SLC3A1: variants seen among roughly 807,000 people sequenced by gnomAD.
SLC3A1 encodes amino acid transporter heavy chain SLC3A1.
SLC3A1 carries 78 observed loss-of-function variants against 60.3 expected under a neutral mutation model. The observed-to-expected ratio is 1.29, with a 90% CI of 1.08 to 1.56. The LOEUF (loss-of-function observed/expected upper bound fraction) is 1.56. SLC3A1 is among the 40% of genes most tolerant of loss of function. The pLI, the probability that SLC3A1 is intolerant of heterozygous loss-of-function variation, is 0.00. For missense variants in SLC3A1, 1,172 were observed against 858.9 expected (o/e 1.36, Z -4.56); for synonymous variants, 392 against 307.9 (o/e 1.27, Z -2.86).
chr2:44,313,004 T>G (rs1382203971), intron 8 of SLC3A1, among the ~76,000 whole-genome samples: 5 of 152,142 alleles, frequency 3.3e-5, no homozygotes, highest in Admixed American at 2.6e-4. Context: ...GTTTTCTACC[T>G]GATAGGCACA....
At chr2:44,318,806 A>T (rs1164333477) in intron 9 of SLC3A1, 1 of 152,234 alleles carries the variant, frequency 6.6e-6, no homozygotes, top group African/African-American at 2.4e-5. Flanking sequence ...ATAGTTCAAT[A>T]TGAAAAGCAT....
chr2:44,300,081 C>T lies in SLC3A1; in HGVS notation c.1002C>T (p.Thr334=), dbSNP rs773970126. The T allele has an allele frequency of 3.1e-6, 5 of 1,613,830 alleles. No individual in the cohort carries two copies. The highest frequency in any genetic ancestry group is 1.7e-5 in the Admixed American group (1 of 60,012). The stretch of plus-strand genomic sequence containing the variant: ...GAGATGAGATCCAAGTAAATAAGAC[C>T]CAAATCCCGGTAAAGTTTTATTTTA... ...HLRDEIQVNK[T]QIPDTVTQYS... Residue 334 remains threonine (T), a synonymous_variant, in exon 5 of 10, where the codon ACC becomes ACT. Coordinates refer to ENST00000260649, the MANE Select transcript of SLC3A1 (RefSeq NM_000341.4).
intron 6 of SLC3A1, 149 bp downstream of exon 6, chr2:44,301,276 C>T: frequency 2.0e-6 from 2 of 982,942 alleles, no homozygotes; most frequent in South Asian, 2.8e-5. Flanking sequence ...GTACCAGGGC[C>T]TGCCATATTC....
intron 1 of SLC3A1, among the ~76,000 whole-genome samples, chr2:44,277,303 C>G (rs570021254): frequency 7.9e-5 from 12 of 152,064 alleles, no homozygotes; most frequent in African/African-American, 2.9e-4. Flanking sequence ...GACGAGGGTT[C>G]TCCATGTTGG....
chr2:44,321,941 G>C, downstream of SLC3A1: 1 of 1,572,198 alleles, frequency 6.4e-7, no homozygotes, highest in Non-Finnish European at 8.7e-7. Context: ...AGATTGTATG[G>C]GATCTTCTTT....
At position 44,275,595 on chromosome 2, in the gene SLC3A1, A is replaced by C. The variant is rs762728033; in HGVS notation, c.60A>C (p.Thr20=). 6.2e-7 allele frequency: 1 copy of C among 1,614,076 alleles called. No individual in the cohort carries two copies. The highest frequency in any genetic ancestry group is 1.3e-5 in the African/African-American group (1 of 74,948). ...SIEMSMKGCQ[T]NNGFVHNEDI... is the part of the protein sequence containing the mutation. ...AGATGAGTATGAAGGGATGCCAGAC[A>C]AACAACGGGTTTGTCCATAATGAAG... The change falls in exon 1 of 10, where the codon ACA becomes ACC. Residue 20 remains threonine (T), a synonymous_variant. Coordinates refer to ENST00000260649, the MANE Select transcript of SLC3A1 (RefSeq NM_000341.4).
chr2:44,289,447 G>C (rs965963205), intron 4 of SLC3A1, among the ~76,000 whole-genome samples: 1 of 151,918 alleles, frequency 6.6e-6, no homozygotes, highest in Non-Finnish European at 1.5e-5. Context: ...GTGGTCTCAA[G>C]CAATCCTCCT....
chr2:44,292,892 A>AT (rs1230461683), intron 4 of SLC3A1, among the ~76,000 whole-genome samples: 2 of 151,660 alleles, frequency 1.3e-5, no homozygotes, highest in African/African-American at 2.4e-5. Context: ...TTTTATTTTT[A>AT]TTTTTTTTCA....
At chr2:44,310,922 G>A (rs1215314253) in intron 7 of SLC3A1, among the ~76,000 whole-genome samples, 1 of 151,882 alleles carries the variant, frequency 6.6e-6, no homozygotes, top group African/African-American at 2.4e-5. Flanking sequence ...AGCTTCTTGA[G>A]TAGCTGAGAC....
rs200016706 is a variant in SLC3A1, at chr2:44,304,273, A to G, written c.1267A>G (p.Ser423Gly). 198 of 1,614,106 alleles carry G rather than the reference A, an allele frequency of 1.2e-4. No homozygotes were observed. Among genetic ancestry groups the G allele is most frequent in the Non-Finnish European group, 1.5e-4 (181 of 1,180,030 alleles). The stretch of plus-strand genomic sequence containing the variant: ...CATGCTAGACACTGTTTCTGGGAAC[A>G]GCGTGTATGAGGTTATCACATCCTG... The part of the protein sequence containing the change: ...LSMLDTVSGN[S>G]VYEVITSWME... The change falls in exon 7 of 10, where the codon AGC (serine) becomes GGC (glycine). Residue 423 changes from serine to glycine, a missense_variant. By Grantham distance (56) the Ser-to-Gly change is moderately conservative. Transcript: ENST00000260649.
chr2:44,313,876 T>C lies in SLC3A1; in HGVS notation c.1542T>C (p.Ser514=), dbSNP rs1393273242. ...AGTCACCAATGCAGTGGGACAATAG[T>C]TCAAATGCTGGTTTTTCTGAAGCTA... is the stretch of plus-strand genomic sequence containing the variant. The part of the protein sequence containing the change: ...RSKSPMQWDN[S]SNAGFSEASN... The change falls in exon 9 of 10, where the codon AGT becomes AGC. Residue 514 remains serine (S), a synonymous_variant. Transcript: ENST00000260649. The C allele has an allele frequency of 1.2e-6, 2 of 1,614,002 alleles. No individual in the cohort carries two copies. Among genetic ancestry groups the C allele is most frequent in the Non-Finnish European group, 1.7e-6 (2 of 1,180,002 alleles).
At chr2:44,312,777 T>C in intron 8 of SLC3A1, 24 bp downstream of exon 8, 1 of 1,589,660 alleles carries the variant, frequency 6.3e-7, no homozygotes, top group South Asian at 1.1e-5. Context: ...AACTTGACTA[T>C]TCATCACAGC....
intron 4 of SLC3A1, among the ~76,000 whole-genome samples, chr2:44,289,090 C>A (rs1286926878): frequency 2.6e-5 from 4 of 151,938 alleles, no homozygotes; most frequent in Non-Finnish European, 5.9e-5. Context: ...CCTCCTTGGC[C>A]TCCCACAGTG....
chr2:44,317,459 CAAAAAA>C (rs3074505), intron 9 of SLC3A1, among the ~76,000 whole-genome samples: 1 of 141,606 alleles, frequency 7.1e-6, no homozygotes, highest in Non-Finnish European at 1.5e-5. Flanking sequence ...GAGATTGTGT[CAAAAAA>C]AAAAAAAAAA....
chr2:44,277,941 T>C (rs1050130215), intron 1 of SLC3A1, among the ~76,000 whole-genome samples: 2 of 152,194 alleles, frequency 1.3e-5, no homozygotes, highest in African/African-American at 4.8e-5. Context: ...GTTTTGGTGA[T>C]TGCCCTCTCT....
chr2:44,298,097 C>T (rs944884053), intron 4 of SLC3A1, among the ~76,000 whole-genome samples: 1 of 152,114 alleles, frequency 6.6e-6, no homozygotes, highest in Non-Finnish European at 1.5e-5. Flanking sequence ...TATACCTATG[C>T]GTGAAATTGC....
At chr2:44,311,232 T>C (rs770039640) in intron 7 of SLC3A1, among the ~76,000 whole-genome samples, 4 of 152,216 alleles carry the variant, frequency 2.6e-5, no homozygotes, top group Non-Finnish European at 4.4e-5. Flanking sequence ...TTTTTAACTC[T>C]AACAGTTTTA....
downstream of SLC3A1, chr2:44,321,818 A>T: frequency 6.2e-7 from 1 of 1,613,866 alleles, no homozygotes; most frequent in South Asian, 1.1e-5. Context: ...GAGGGCCTTG[A>T]TAACATACCT....
intron 4 of SLC3A1, among the ~76,000 whole-genome samples, chr2:44,287,720 C>T (rs1671649928): frequency 1.3e-5 from 2 of 152,086 alleles, no homozygotes; most frequent in African/African-American, 4.8e-5. Flanking sequence ...TCTTGCTGCT[C>T]CTATGGCTAC....
Sources: gnomAD v4.1 joint callset for allele counts (sites outside exome capture counted in the v4.1 genomes callset) on GRCh38, gnomAD v4.1.1 for gene constraint, MANE v1.5 for transcripts, NCBI Gene and HGNC (gene_info 2026-07-23, HGNC 2026-07-21) for gene names.